BTBD16: variants seen among roughly 807,000 people sequenced by gnomAD.
BTBD16 encodes the protein BTB/POZ domain-containing protein 16.
In BTBD16, 66 loss-of-function variants were observed where a neutral mutation model predicts 67.4. The observed-to-expected ratio is 0.98, with a 90% CI of 0.80 to 1.20. BTBD16 has a LOEUF of 1.20. Ranked by LOEUF, BTBD16 falls within the 50% of genes most tolerant of loss-of-function variation. The pLI, the probability that BTBD16 is intolerant of heterozygous loss-of-function variation, is 0.00. For missense variants in BTBD16, 634 were observed against 616.0 expected (o/e 1.03, Z -0.31); for synonymous variants, 242 against 236.4 (o/e 1.02, Z -0.22).
At chr10:122,324,979 G>C (rs1301461740) in intron 10 of BTBD16, among the ~76,000 whole-genome samples, 2 of 152,240 alleles carry the variant, frequency 1.3e-5, no homozygotes, top group African/African-American at 4.8e-5. Context: ...CTTTGTGCTA[G>C]GGTCAGGACC....
intron 7 of BTBD16, among the ~76,000 whole-genome samples, chr10:122,297,352 A>C (rs557849878): frequency 2.0e-5 from 3 of 152,172 alleles, no homozygotes; most frequent in Admixed American, 1.3e-4. Context: ...CTTTGATTCC[A>C]TTTGTGCACA....
At chr10:122,295,444 G>A (rs2096381410) in intron 7 of BTBD16, 4 of 985,454 alleles carry the variant, frequency 4.1e-6, no homozygotes, top group Non-Finnish European at 4.8e-6. Flanking sequence ...AGCAGGTCTT[G>A]GTTCAGTCAG....
At chr10:122,295,262 G>A in intron 7 of BTBD16, 1 of 972,904 alleles carries the variant, frequency 1.0e-6, no homozygotes. Context: ...CTTCCAAGAG[G>A]AGGTGGTGCT....
intron 7 of BTBD16, among the ~76,000 whole-genome samples, chr10:122,293,093 C>T (rs1006469515): frequency 6.6e-6 from 1 of 152,020 alleles, no homozygotes; most frequent in Admixed American, 6.5e-5. Context: ...AGCTTTTTTT[C>T]CCTAATTCCT....
chr10:122,320,980 G>A (rs964577705), intron 10 of BTBD16, among the ~76,000 whole-genome samples: 3 of 152,164 alleles, frequency 2.0e-5, no homozygotes, highest in Admixed American at 1.3e-4. Context: ...GTACTCAATA[G>A]GTAGTTTTCC....
intron 5 of BTBD16, 200 bp downstream of exon 5, chr10:122,286,448 G>A: frequency 2.5e-6 from 1 of 399,032 alleles, no homozygotes; most frequent in Non-Finnish European, 3.4e-6. Context: ...ATGCGGCTTT[G>A]AAGAGTAGAG....
chr10:122,324,871 C>T (rs1052156316), intron 10 of BTBD16, among the ~76,000 whole-genome samples: 19 of 152,210 alleles, frequency 1.2e-4, no homozygotes, highest in African/African-American at 4.3e-4. Context: ...CAAAACATAC[C>T]TTCAACAATA....
At chr10:122,324,100 C>T (rs1277814876) in intron 10 of BTBD16, among the ~76,000 whole-genome samples, 1 of 152,256 alleles carries the variant, frequency 6.6e-6, no homozygotes, top group Non-Finnish European at 1.5e-5. Context: ...TGAGTCTCTT[C>T]TTTCCTGTGC....
chr10:122,298,499 C>G (rs1470697405), intron 8 of BTBD16, among the ~76,000 whole-genome samples: 2 of 152,224 alleles, frequency 1.3e-5, no homozygotes, highest in Non-Finnish European at 2.9e-5. Flanking sequence ...TGTACTGAAG[C>G]TCTCTCAAGG....
At chr10:122,288,336 A>T (rs2096367546) in intron 5 of BTBD16, among the ~76,000 whole-genome samples, 1 of 152,202 alleles carries the variant, frequency 6.6e-6, no homozygotes, top group Non-Finnish European at 1.5e-5. Flanking sequence ...CCTGGTGCTT[A>T]GTAGGTTCTC....
At chr10:122,300,290 A>G (rs527942122) in intron 9 of BTBD16, among the ~76,000 whole-genome samples, 1 of 152,228 alleles carries the variant, frequency 6.6e-6, no homozygotes, top group South Asian at 2.1e-4. Flanking sequence ...TAGAATATAT[A>G]CAATATATAA....
At chr10:122,297,047 G>A (rs933801793) in intron 7 of BTBD16, among the ~76,000 whole-genome samples, 2 of 152,146 alleles carry the variant, frequency 1.3e-5, no homozygotes, top group African/African-American at 4.8e-5. Flanking sequence ...TCTGACTTCT[G>A]GTCACTTTTC....
intron 1 of BTBD16, among the ~76,000 whole-genome samples, chr10:122,271,768 AAAAG>A: frequency 6.6e-6 from 1 of 152,320 alleles, no homozygotes; most frequent in East Asian, 1.9e-4. Flanking sequence ...GTGGGATGAA[AAAAG>A]AACACATTTC....
intron 3 of BTBD16, among the ~76,000 whole-genome samples, chr10:122,278,871 G>A (rs2096346454): frequency 6.6e-6 from 1 of 152,212 alleles, no homozygotes; most frequent in Non-Finnish European, 1.5e-5. Flanking sequence ...TGTTCCATGA[G>A]CCTCTTGTCC....
chr10:122,336,778 C>T (rs1301548018), intron 15 of BTBD16, 96 bp downstream of exon 15: 1 of 1,119,192 alleles, frequency 8.9e-7, no homozygotes, highest in Admixed American at 3.1e-5. Context: ...CAGTGCTCTA[C>T]ACTGAAGATC....
At chr10:122,337,232 T>C (rs2096464693) in intron 15 of BTBD16, among the ~76,000 whole-genome samples, 1 of 152,190 alleles carries the variant, frequency 6.6e-6, no homozygotes, top group South Asian at 2.1e-4. Context: ...CTGGGGGCCT[T>C]ATAACTACCA....
At chr10:122,291,363 C>A in intron 7 of BTBD16, 169 bp downstream of exon 7, 1 of 786,316 alleles carries the variant, frequency 1.3e-6, no homozygotes, top group Non-Finnish European at 1.9e-6. Context: ...CTAATTCACA[C>A]TAACAGGTGA....
intron 7 of BTBD16, among the ~76,000 whole-genome samples, chr10:122,296,120 A>G (rs528519629): frequency 2.0e-5 from 3 of 152,112 alleles, no homozygotes; most frequent in South Asian, 2.1e-4. Context: ...TGCAAACTAG[A>G]TAACAGTTTA....
chr10:122,316,571 C>T (rs763005172), intron 10 of BTBD16, among the ~76,000 whole-genome samples: 7 of 152,066 alleles, frequency 4.6e-5, no homozygotes, highest in Non-Finnish European at 7.4e-5. Flanking sequence ...CAAACCTGTA[C>T]AGCATGTTCC....
Sources: gnomAD v4.1 joint callset for allele counts (sites outside exome capture counted in the v4.1 genomes callset) on GRCh38, gnomAD v4.1.1 for gene constraint, MANE v1.5 for transcripts, NCBI Gene and HGNC (gene_info 2026-07-23, HGNC 2026-07-21) for gene names.